RYR3: variants seen among roughly 807,000 people sequenced by gnomAD.
RYR3 encodes the protein brain ryanodine receptor-calcium release channel.
RYR3 carries 207 observed loss-of-function variants against 584.3 expected under a neutral mutation model. The observed-to-expected ratio is 0.35, with a 90% confidence interval of 0.32 to 0.40. The LOEUF (loss-of-function observed/expected upper bound fraction) is 0.40. RYR3 is among the 10% of genes least tolerant of loss of function. RYR3 has a pLI of 1.00. For synonymous variants in RYR3, 2,416 were observed against 2,248.5 expected, an observed-to-expected ratio of 1.07 and a Z score of -2.11; for missense variants, 5,616 against 6,089.2, an observed-to-expected ratio of 0.92 and a Z score of 2.59.
In RYR3 at chr15:33,777,840, C is replaced by T. The variant is rs117014984; in HGVS notation, c.9138-2371C>T. Reference sequence around the variant, plus strand: ...GGATCTATCCAGTCCCAAGCCACCTCGGGACCCCTTGTCTCCTAGGTTCAT... The same window carrying T: ...GGATCTATCCAGTCCCAAGCCACCTTGGGACCCCTTGTCTCCTAGGTTCAT... On this transcript the variant is annotated intron_variant, in intron 64 of 103. Transcript: ENST00000634891. Among the ~76,000 whole-genome samples, 767 of 151,834 alleles carry T rather than the reference C, an allele frequency of 5.1e-3. 4 individuals carry two copies. Among genetic ancestry groups the T allele is most frequent in the Admixed American group, 9.1e-3 (139 of 15,260 alleles).
intron 1 of RYR3, among the ~76,000 whole-genome samples, chr15:33,430,732 T>C (rs541137018): frequency 2.9e-4 from 44 of 152,324 alleles, no homozygotes; most frequent in Non-Finnish European, 5.1e-4. Context: ...GGTTATTGTT[T>C]TAAGCTACTA....
intron 1 of RYR3, among the ~76,000 whole-genome samples, chr15:33,380,513 C>T (rs138527308): frequency 8.5e-5 from 13 of 152,328 alleles, no homozygotes; most frequent in Admixed American, 3.3e-4. Flanking sequence ...GAGCGATTAG[C>T]TACTAGGGTG....
chr15:33,686,456 T>C (rs979336159), intron 38 of RYR3, among the ~76,000 whole-genome samples: 1 of 152,012 alleles, frequency 6.6e-6, no homozygotes, highest in African/African-American at 2.4e-5. Flanking sequence ...CCAAAAAAAG[T>C]CCAGGACCAG....
chr15:33,583,821 G>A (rs1177794540), intron 14 of RYR3, among the ~76,000 whole-genome samples: 3 of 152,124 alleles, frequency 2.0e-5, no homozygotes, highest in Admixed American at 2.0e-4. Context: ...GGAGGCTGAG[G>A]CAGGTGGATC....
intron 1 of RYR3, among the ~76,000 whole-genome samples, chr15:33,391,811 G>A (rs2042016307): frequency 6.6e-6 from 1 of 152,144 alleles, no homozygotes; most frequent in South Asian, 2.1e-4. Flanking sequence ...GGAAGAGGGT[G>A]TAGGACTCTT....
Position 33,580,108 on chromosome 15 carries a change from C to G in RYR3, c.1401C>G (p.Arg467=), listed in dbSNP as rs2058516450. Residue 467 remains arginine, a synonymous_variant, in exon 13 of 104, where the codon CGC becomes CGG. Coordinates refer to ENST00000634891, the MANE Select transcript of RYR3 (RefSeq NM_001036.6). ...ATGAAGACAAGCAGAACAAGCTCCG[C>G]TCACTCAAAAACAGACAAAATCTTT... is the stretch of plus-strand genomic sequence containing the variant. ...MRHEDKQNKL[R]SLKNRQNLFK... The G allele has an allele frequency of 6.2e-7, 1 of 1,611,816 alleles. No individual in the cohort carries two copies. The highest frequency in any genetic ancestry group is 8.5e-7 in the Non-Finnish European group (1 of 1,179,010).
chr15:33,615,506 CAT>C (rs749140589), intron 19 of RYR3, among the ~76,000 whole-genome samples: 8 of 152,152 alleles, frequency 5.3e-5, no homozygotes, highest in Non-Finnish European at 1.2e-4. Context: ...TATTTACAAA[CAT>C]ATTCATATAA....
At chr15:33,633,521 C>T (rs1043867935) in intron 24 of RYR3, among the ~76,000 whole-genome samples, 5 of 152,214 alleles carry the variant, frequency 3.3e-5, no homozygotes, top group Non-Finnish European at 7.3e-5. Context: ...AACCACCTGG[C>T]ACACCTCTTT....
intron 10 of RYR3, among the ~76,000 whole-genome samples, chr15:33,558,544 G>A (rs998772288): frequency 4.6e-5 from 7 of 152,074 alleles, no homozygotes; most frequent in South Asian, 2.1e-4. Context: ...TGTGAGTAGT[G>A]CCGCAATAAA....
chr15:33,706,403 C>G (rs1358252515), intron 42 of RYR3, among the ~76,000 whole-genome samples: 1 of 152,188 alleles, frequency 6.6e-6, no homozygotes, highest in South Asian at 2.1e-4. Context: ...CTCCCCTCCC[C>G]CAAGTCCCTG....
intron 1 of RYR3, among the ~76,000 whole-genome samples, chr15:33,466,859 CT>C (rs1452598078): frequency 1.3e-5 from 2 of 152,152 alleles, no homozygotes; most frequent in African/African-American, 2.4e-5. Flanking sequence ...ATTTTAGGCA[CT>C]GAAGATTCAT....
Position 33,358,151 on chromosome 15 carries a change from T to C in RYR3, c.51+47055T>C, listed in dbSNP as rs58827524. On this transcript the variant is annotated intron_variant, in intron 1 of 103. Coordinates refer to ENST00000634891, the MANE Select transcript of RYR3 (RefSeq NM_001036.6). ...GCTGAGTGACCACTGACAAGTTGTA[T>C]ATCTCCTCTGAGCCTTGCTTTCCTC... Among the ~76,000 whole-genome samples, 935 of 152,316 alleles carry C rather than the reference T, an allele frequency of 6.1e-3. 8 individuals carry two copies. The highest frequency in any genetic ancestry group is 0.022 in the African/African-American group (902 of 41,570).
intron 60 of RYR3, among the ~76,000 whole-genome samples, chr15:33,764,984 T>C (rs2072883064): frequency 7.8e-6 from 1 of 127,810 alleles, no homozygotes; most frequent in African/African-American, 3.1e-5. Flanking sequence ...CGAGCCAAGA[T>C]CATGCCACTG....
chr15:33,437,114 TAGAGTGTGTGTGTGTGTG>T (rs908271877), intron 1 of RYR3, among the ~76,000 whole-genome samples: 5 of 117,906 alleles, frequency 4.2e-5, no homozygotes, highest in Non-Finnish European at 6.8e-5. Flanking sequence ...GAGAGAGAGA[TAGAGTGTGTGTGTGTGTG>T]TGTGTGTGTG....
At chr15:33,499,945 A>G (rs767239308) in intron 2 of RYR3, among the ~76,000 whole-genome samples, 1 of 152,186 alleles carries the variant, frequency 6.6e-6, no homozygotes. Context: ...CCACGGGGAG[A>G]AGAAAGACGT....
At chr15:33,774,717 A>G (rs1002133914) in intron 64 of RYR3, among the ~76,000 whole-genome samples, 2 of 152,226 alleles carry the variant, frequency 1.3e-5, no homozygotes, top group Non-Finnish European at 2.9e-5. Context: ...TTAAGTCTTT[A>G]ACAGTTGTCA....
chr15:33,355,079 G>A (rs1973779783), intron 1 of RYR3, among the ~76,000 whole-genome samples: 1 of 151,810 alleles, frequency 6.6e-6, no homozygotes, highest in Non-Finnish European at 1.5e-5. Flanking sequence ...TGCTACTCAG[G>A]AGGCTAAGAC....
intron 8 of RYR3, among the ~76,000 whole-genome samples, chr15:33,547,445 C>T (rs564949237): frequency 1.2e-3 from 187 of 152,268 alleles, no homozygotes; most frequent in Middle Eastern, 3.4e-3. Flanking sequence ...TTTTGACAAA[C>T]GTACCCTGGT....
intron 64 of RYR3, among the ~76,000 whole-genome samples, chr15:33,776,604 G>A (rs74006002): frequency 0.019 from 2,928 of 152,122 alleles, 96 homozygotes; most frequent in African/African-American, 0.068. Flanking sequence ...AACCTCTAAG[G>A]TCACCATCAC....
Sources: gnomAD v4.1 joint callset for allele counts (sites outside exome capture counted in the v4.1 genomes callset) on GRCh38, gnomAD v4.1.1 for gene constraint, MANE v1.5 for transcripts, NCBI Gene and HGNC (gene_info 2026-07-23, HGNC 2026-07-21) for gene names.